The following PRR5L variants were observed in gnomAD, a reference collection of about 807,000 sequenced individuals.
PRR5L encodes the protein proline-rich protein 5-like.
PRR5L carries 21 observed loss-of-function variants against 36.4 expected under a neutral mutation model. The ratio of observed to expected loss-of-function variants is 0.58; its 90% CI spans 0.41 to 0.83. PRR5L has a LOEUF of 0.83. Ranked by LOEUF, PRR5L falls within the 40% of genes least tolerant of loss-of-function variation. PRR5L has a pLI of 0.00. For synonymous variants in PRR5L, 188 were observed against 197.0 expected (o/e 0.95, Z 0.38); for missense variants, 381 against 473.3 (o/e 0.80, Z 1.81).
chr11:36,373,722 C>T (rs984571243), intron 1 of PRR5L, among the ~76,000 whole-genome samples: 1 of 144,964 alleles, frequency 6.9e-6, no homozygotes, highest in Non-Finnish European at 1.5e-5. Flanking sequence ...ATGGCATGCT[C>T]GTATGTTGTG....
At chr11:36,361,661 T>G (rs1402955584) in intron 1 of PRR5L, among the ~76,000 whole-genome samples, 1 of 152,214 alleles carries the variant, frequency 6.6e-6, no homozygotes, top group Non-Finnish European at 1.5e-5. Flanking sequence ...ACTTGTTCAT[T>G]TATGTGGGCA....
chr11:36,324,113 T>C (rs1856637821), intron 1 of PRR5L, among the ~76,000 whole-genome samples: 1 of 152,188 alleles, frequency 6.6e-6, no homozygotes, highest in Non-Finnish European at 1.5e-5. Context: ...AGAAAAGTGA[T>C]TCCTAATAGT....
intron 8 of PRR5L, among the ~76,000 whole-genome samples, chr11:36,461,884 CTCT>C (rs1181235599): frequency 1.3e-5 from 2 of 152,178 alleles, no homozygotes; most frequent in Non-Finnish European, 2.9e-5. Flanking sequence ...CCCCAGTTAT[CTCT>C]TCCTCTGGAT....
chr11:36,443,447 A>G (rs1029757848), intron 6 of PRR5L, among the ~76,000 whole-genome samples: 2 of 152,172 alleles, frequency 1.3e-5, no homozygotes, highest in African/African-American at 4.8e-5. Context: ...AAACCATGTC[A>G]CTGACCTGGG....
intron 1 of PRR5L, among the ~76,000 whole-genome samples, chr11:36,323,908 A>G (rs1856636241): frequency 6.6e-6 from 1 of 152,188 alleles, no homozygotes; most frequent in South Asian, 2.1e-4. Context: ...GCTAAAATTT[A>G]AAAGACTAAT....
intron 1 of PRR5L, among the ~76,000 whole-genome samples, chr11:36,342,394 C>T (rs1008297478): frequency 1.3e-5 from 2 of 151,986 alleles, no homozygotes; most frequent in African/African-American, 4.8e-5. Context: ...ATACATTATC[C>T]CTAGGGAAGC....
intron 1 of PRR5L, among the ~76,000 whole-genome samples, chr11:36,392,308 T>C (rs1857578889): frequency 1.3e-5 from 2 of 152,220 alleles, no homozygotes; most frequent in Admixed American, 6.5e-5. Context: ...TGTATTCTGA[T>C]TTCCTTTCTT....
At chr11:36,419,677 GA>G (rs1858221198) in intron 4 of PRR5L, among the ~76,000 whole-genome samples, 1 of 152,138 alleles carries the variant, frequency 6.6e-6, no homozygotes, top group African/African-American at 2.4e-5. Context: ...ACATTTTTAT[GA>G]AAAACAACTC....
chr11:36,367,965 T>G (rs1250546944), intron 1 of PRR5L, among the ~76,000 whole-genome samples: 2 of 151,262 alleles, frequency 1.3e-5, no homozygotes, highest in East Asian at 3.9e-4. Context: ...TGAAGATTTG[T>G]GGGAGCCAAA....
Position 36,401,075 on chromosome 11 carries a change from C to T in PRR5L, c.-47C>T, listed in dbSNP as rs376587095. 22 of 1,595,430 alleles carry T rather than the reference C, an allele frequency of 1.4e-5. No individual in the cohort carries two copies. The highest frequency in any genetic ancestry group is 4.5e-5 in the South Asian group (4 of 89,432). On this transcript the variant is annotated 5_prime_UTR_variant, in exon 2 of 9. Coordinates refer to ENST00000530639, the MANE Select transcript of PRR5L (RefSeq NM_001160167.2). ...TGGAGAAGCCCTTTCCGAGGGCATT[C>T]GGAACCTTCTGGTCCTAGAGGTGAA... is the stretch of plus-strand genomic sequence containing the variant.
At chr11:36,320,659 G>C (rs1246419219) in intron 1 of PRR5L, among the ~76,000 whole-genome samples, 5 of 152,196 alleles carry the variant, frequency 3.3e-5, no homozygotes, top group African/African-American at 1.2e-4. Context: ...AGCTATGCAT[G>C]CTACTTGCTT....
At chr11:36,330,756 G>A (rs1400047413) in intron 1 of PRR5L, among the ~76,000 whole-genome samples, 1 of 152,100 alleles carries the variant, frequency 6.6e-6, no homozygotes, top group Admixed American at 6.5e-5. Context: ...AATTATGACT[G>A]ATAACATTTG....
At chr11:36,310,389 C>T (rs182936371) in intron 1 of PRR5L, among the ~76,000 whole-genome samples, 98 of 152,256 alleles carry the variant, frequency 6.4e-4, no homozygotes, top group African/African-American at 2.3e-3. Context: ...TTAGAGTCCA[C>T]CCAGAGAGCA....
In PRR5L at chr11:36,436,996, T is replaced by C. The variant is rs112721438; in HGVS notation, c.353-389T>C. ...TTGAGTTCTCCCACCCAGTCCTACA[T>C]TTACTATAGTAAAACCTTGTAGATC... On this transcript the variant is annotated intron_variant, in intron 5 of 8. Coordinates refer to ENST00000530639, the MANE Select transcript of PRR5L (RefSeq NM_001160167.2). Among the ~76,000 whole-genome samples the C allele has an allele frequency of 6.9e-3, 1,052 of 152,316 alleles. 2 individuals are homozygous for C. The highest frequency in any genetic ancestry group is 0.011 in the Non-Finnish European group (763 of 68,028).
chr11:36,376,815 C>T (rs914537633), intron 1 of PRR5L: 52 of 800,008 alleles, frequency 6.5e-5, no homozygotes, highest in Non-Finnish European at 7.6e-5. Flanking sequence ...CGCGGCGTGG[C>T]GGGGGTAGGA....
chr11:36,416,808 C>T (rs531871227), intron 3 of PRR5L, among the ~76,000 whole-genome samples: 5 of 111,378 alleles, frequency 4.5e-5, no homozygotes, highest in East Asian at 2.8e-4. Flanking sequence ...GAAGCCCCTT[C>T]GTGCCCTCCC....
intron 1 of PRR5L, among the ~76,000 whole-genome samples, chr11:36,323,156 T>C (rs1326864350): frequency 1.3e-5 from 2 of 152,066 alleles, no homozygotes; most frequent in African/African-American, 2.4e-5. Context: ...TTCTCTTGGA[T>C]AGAAGTTGTC....
chr11:36,302,583 C>T (rs577597498), intron 1 of PRR5L, among the ~76,000 whole-genome samples: 49 of 152,092 alleles, frequency 3.2e-4, no homozygotes, highest in African/African-American at 1.0e-3. Context: ...CTCAGGAGTT[C>T]GAGACCAGCC....
At chr11:36,442,123 A>G (rs530013152) in intron 6 of PRR5L, among the ~76,000 whole-genome samples, 1 of 152,212 alleles carries the variant, frequency 6.6e-6, no homozygotes, top group South Asian at 2.1e-4. Context: ...TAGTCATGCA[A>G]ATCTCTCTAG....
Sources: gnomAD v4.1 joint callset for allele counts (sites outside exome capture counted in the v4.1 genomes callset) on GRCh38, gnomAD v4.1.1 for gene constraint, MANE v1.5 for transcripts, NCBI Gene and HGNC (gene_info 2026-07-23, HGNC 2026-07-21) for gene names.